SUGCT: variants seen among roughly 807,000 people sequenced by gnomAD.
The protein encoded by SUGCT is succinyl-CoA:glutarate-CoA transferase, also known as succinyl-CoA:glutarate CoA-transferase.
Under a neutral mutation model 55.0 loss-of-function variants are expected in SUGCT, and 41 were observed. The observed-to-expected ratio is 0.74, with a 90% CI of 0.58 to 0.97. The LOEUF (loss-of-function observed/expected upper bound fraction) is 0.97. Among genes scored for constraint, SUGCT ranks in the 50% least tolerant of loss-of-function variants. SUGCT has a pLI of 0.00. For synonymous variants in SUGCT, 187 were observed against 200.4 expected, an observed-to-expected ratio of 0.93 and a Z score of 0.56; for missense variants, 568 against 547.8, an observed-to-expected ratio of 1.04 and a Z score of -0.37.
chr7:40,795,987 T>G (rs1790534896), intron 13 of SUGCT, among the ~76,000 whole-genome samples: 2 of 152,204 alleles, frequency 1.3e-5, no homozygotes, highest in South Asian at 4.1e-4. Flanking sequence ...GTGGAGGTAC[T>G]TTCTTGACCT....
intron 12 of SUGCT, among the ~76,000 whole-genome samples, chr7:40,527,383 T>C (rs1793860956): frequency 6.6e-6 from 1 of 152,216 alleles, no homozygotes; most frequent in Non-Finnish European, 1.5e-5. Flanking sequence ...GGCAACTCTC[T>C]TGTTGCATTA....
chr7:40,407,840 G>T (rs1786463266), intron 9 of SUGCT, among the ~76,000 whole-genome samples: 1 of 151,982 alleles, frequency 6.6e-6, no homozygotes, highest in Admixed American at 6.6e-5. Flanking sequence ...TCTGAAATAA[G>T]AGCCATCCAA....
At chr7:40,854,108 T>G (rs556719588) in intron 13 of SUGCT, among the ~76,000 whole-genome samples, 1 of 152,250 alleles carries the variant, frequency 6.6e-6, no homozygotes, top group Non-Finnish European at 1.5e-5. Context: ...TCTTGCCATA[T>G]TTTGGATTTG....
intron 13 of SUGCT, among the ~76,000 whole-genome samples, chr7:40,827,573 C>G (rs189437384): frequency 6.6e-6 from 1 of 152,128 alleles, no homozygotes; most frequent in Non-Finnish European, 1.5e-5. Context: ...TTAATTCCAG[C>G]GAAAGGTTAG....
At chr7:40,731,022 T>G (rs1786862982) in intron 12 of SUGCT, among the ~76,000 whole-genome samples, 1 of 152,082 alleles carries the variant, frequency 6.6e-6, no homozygotes, top group South Asian at 2.1e-4. Context: ...AGGACAAAAG[T>G]GGCAAGTTGT....
chr7:40,499,135 T>C (rs1792148487), intron 12 of SUGCT: 2 of 456,656 alleles, frequency 4.4e-6, no homozygotes, highest in Non-Finnish European at 8.8e-6. Context: ...CCACTCTCCA[T>C]GTGCGCTGTG....
chr7:40,421,578 A>G (rs965987007), intron 9 of SUGCT, among the ~76,000 whole-genome samples: 2 of 152,164 alleles, frequency 1.3e-5, no homozygotes, highest in Non-Finnish European at 2.9e-5. Flanking sequence ...ACTTTGTGTC[A>G]GACTCTGGAG....
At chr7:40,849,628 G>A (rs993585263) in intron 13 of SUGCT, among the ~76,000 whole-genome samples, 1 of 152,168 alleles carries the variant, frequency 6.6e-6, no homozygotes, top group South Asian at 2.1e-4. Flanking sequence ...TATAGCTAGA[G>A]TAGCTTGGGG....
At chr7:40,625,517 C>T (rs1014251953) in intron 12 of SUGCT, among the ~76,000 whole-genome samples, 2 of 152,016 alleles carry the variant, frequency 1.3e-5, no homozygotes, top group Non-Finnish European at 2.9e-5. Context: ...TCTTTTTCTC[C>T]TTGCCATCCA....
intron 5 of SUGCT, among the ~76,000 whole-genome samples, chr7:40,193,385 A>G (rs1786044999): frequency 6.8e-6 from 1 of 146,180 alleles, no homozygotes; most frequent in Non-Finnish European, 1.5e-5. Flanking sequence ...CCTGGGTTCA[A>G]GTGATTCTCC....
At position 40,321,447 on chromosome 7, in the gene SUGCT, G is replaced by C. The variant is rs188275083; in HGVS notation, c.816+4592G>C. On this transcript the variant is annotated intron_variant, in intron 9 of 13. Transcript: ENST00000335693. ...GCCGAGGCTGGAGTGTAATGGTGCT[G>C]TCTCAGCTCACTGCAACCTCTGCCT... Among the ~76,000 whole-genome samples the C allele has an allele frequency of 4.2e-3, 635 of 150,202 alleles. 3 individuals are homozygous for C. Among genetic ancestry groups the C allele is most frequent in the South Asian group, 0.01 (49 of 4,700 alleles).
At chr7:40,957,910 C>T in the SUGCT span, among the ~76,000 whole-genome samples, 2 of 152,062 alleles carry the variant, frequency 1.3e-5, no homozygotes, top group Non-Finnish European at 2.9e-5. Context: ...TTTATTTCTC[C>T]TTCACTTATG....
At chr7:40,534,014 T>C (rs1794228635) in intron 12 of SUGCT, among the ~76,000 whole-genome samples, 1 of 152,194 alleles carries the variant, frequency 6.6e-6, no homozygotes, top group South Asian at 2.1e-4. Context: ...AAGTATATAC[T>C]TAAATTTTGT....
intron 9 of SUGCT, among the ~76,000 whole-genome samples, chr7:40,386,582 G>A (rs539374583): frequency 1.3e-5 from 2 of 152,328 alleles, no homozygotes; most frequent in South Asian, 4.1e-4. Context: ...GTTGCAGGAT[G>A]TTTTTAGCAT....
chr7:40,701,556 A>G (rs1270846217), intron 12 of SUGCT, among the ~76,000 whole-genome samples: 1 of 152,210 alleles, frequency 6.6e-6, no homozygotes, highest in Admixed American at 6.5e-5. Context: ...ATCCCATGGG[A>G]AATGACAGAG....
At position 40,499,424 on chromosome 7, in the gene SUGCT, T is replaced by C. The variant is rs906996547; in HGVS notation, c.1089+3038T>C. The C allele has an allele frequency of 1.5e-5, 3 of 199,150 alleles. No homozygotes were observed. In the South Asian group the frequency reaches 2.3e-4, roughly 15 times the overall value. The allele number at this position is 199,150 out of a possible 1,614,324, so 12.3% of individuals were successfully genotyped here. On this transcript the variant is annotated intron_variant, in intron 12 of 13. Coordinates refer to ENST00000335693, the MANE Select transcript of SUGCT (RefSeq NM_001193313.2). ...GCCTAACAATTTCATCATAGTCTCATGGATTGAGGTAACTTGATTTTTCGA... is the reference window on the plus strand; with the variant it reads ...GCCTAACAATTTCATCATAGTCTCACGGATTGAGGTAACTTGATTTTTCGA...
chr7:40,180,740 C>G (rs550963792), intron 1 of SUGCT, among the ~76,000 whole-genome samples: 1 of 152,100 alleles, frequency 6.6e-6, no homozygotes, highest in Non-Finnish European at 1.5e-5. Context: ...CCGCCTGCCT[C>G]GGCCTCCGAA....
At chr7:40,274,349 A>T (rs1792318680) in intron 7 of SUGCT, among the ~76,000 whole-genome samples, 164 bp from the exon 8 acceptor site, 1 of 152,150 alleles carries the variant, frequency 6.6e-6, no homozygotes, top group Admixed American at 6.5e-5. Context: ...TATTACCAAC[A>T]GATATTCACA....
chr7:40,187,182 A>G (rs1212574005), intron 3 of SUGCT, among the ~76,000 whole-genome samples: 2 of 152,154 alleles, frequency 1.3e-5, no homozygotes, highest in Admixed American at 6.5e-5. Context: ...AACTATCACA[A>G]GGACAAAAAA....
Sources: allele counts gnomAD v4.1 joint callset (sites outside exome capture counted in the v4.1 genomes callset), GRCh38; gene constraint gnomAD v4.1.1; transcripts MANE v1.5; gene names NCBI Gene and HGNC (gene_info 2026-07-23, HGNC 2026-07-21).